Variants in ERGIC1 observed in about 807,000 individuals in gnomAD.
ERGIC1 encodes endoplasmic reticulum-Golgi intermediate compartment protein 1.
In ERGIC1, 19 loss-of-function variants were observed where a neutral mutation model predicts 38.3. That is an observed-to-expected ratio of 0.50 (90% CI 0.35 to 0.73). The LOEUF is 0.73. Ranked by LOEUF, ERGIC1 falls within the 30% of genes least tolerant of loss-of-function variation. ERGIC1 has a pLI of 0.01. For missense variants in ERGIC1, 294 were observed against 389.2 expected (o/e 0.76, Z 2.06); for synonymous variants, 124 against 157.6 (o/e 0.79, Z 1.60).
At chr5:172,861,966 TTTTA>T (rs1025179100) in intron 1 of ERGIC1, among the ~76,000 whole-genome samples, 5 of 152,012 alleles carry the variant, frequency 3.3e-5, no homozygotes, top group African/African-American at 1.2e-4. Context: ...TGCCAAGAAC[TTTTA>T]TTTATTTATT....
chr5:172,851,662 T>C (rs1192465297), intron 1 of ERGIC1, among the ~76,000 whole-genome samples: 1 of 151,302 alleles, frequency 6.6e-6, no homozygotes, highest in Non-Finnish European at 1.5e-5. Context: ...GACAGGGAGG[T>C]GGGGGGGTAT....
chr5:172,899,349 G>A (rs547034077), intron 3 of ERGIC1, among the ~76,000 whole-genome samples: 1 of 128,332 alleles, frequency 7.8e-6, no homozygotes, highest in Non-Finnish European at 1.5e-5. Context: ...ACGGAGTCTC[G>A]CTCTGTCGTC....
chr5:172,924,505 G>T (rs749735035), intron 6 of ERGIC1, among the ~76,000 whole-genome samples: 5 of 152,176 alleles, frequency 3.3e-5, no homozygotes, highest in Non-Finnish European at 7.4e-5. Flanking sequence ...GGTGTGTGGG[G>T]TGCGAGAGAC....
chr5:172,924,360 G>A (rs1763602666), intron 6 of ERGIC1, among the ~76,000 whole-genome samples: 1 of 152,204 alleles, frequency 6.6e-6, no homozygotes, highest in African/African-American at 2.4e-5. Context: ...GACCCTCAAG[G>A]TTACTTTCAG....
rs982664470 is a variant in ERGIC1 at position 172,951,838 on chromosome 5, G to A, written c.*1022G>A. 1 of 152,354 alleles carries A rather than the reference G, an allele frequency of 6.6e-6. No individual in the cohort carries two copies. The highest frequency in any genetic ancestry group is 1.5e-5 in the Non-Finnish European group (1 of 68,124). The allele number at this position is 152,354 out of a possible 1,614,324, so 9.4% of individuals were successfully genotyped here. Reference sequence around the variant, plus strand: ...GGCCTTAGGTGGAGGAAGCAAAGCAGGCCAGGCCTGTCCTGTCCGTGGACC... The same window carrying A: ...GGCCTTAGGTGGAGGAAGCAAAGCAAGCCAGGCCTGTCCTGTCCGTGGACC... On this transcript the variant is annotated 3_prime_UTR_variant, in exon 10 of 10. Transcript: ENST00000393784.
intron 9 of ERGIC1, among the ~76,000 whole-genome samples, chr5:172,944,405 C>G (rs1764073994): frequency 6.6e-6 from 1 of 151,902 alleles, no homozygotes; most frequent in African/African-American, 2.4e-5. Flanking sequence ...GTTGCCCAGG[C>G]TGGTGTGCAG....
intron 1 of ERGIC1, among the ~76,000 whole-genome samples, chr5:172,851,368 G>A (rs1360100471): frequency 9.9e-5 from 15 of 151,984 alleles, no homozygotes; most frequent in Admixed American, 9.8e-4. Flanking sequence ...AATTAGCCGG[G>A]CATGGTGGCA....
intron 1 of ERGIC1, among the ~76,000 whole-genome samples, chr5:172,882,106 G>T (rs1381522425): frequency 6.6e-6 from 1 of 152,136 alleles, no homozygotes; most frequent in Non-Finnish European, 1.5e-5. Context: ...CTGAAACTAG[G>T]GTCTTTTTGA....
intron 1 of ERGIC1, among the ~76,000 whole-genome samples, chr5:172,850,537 T>A (rs1183818297): frequency 6.6e-6 from 1 of 152,012 alleles, no homozygotes; most frequent in Non-Finnish European, 1.5e-5. Flanking sequence ...GCCTAGGGCT[T>A]TGGAGTCTGG....
At chr5:172,888,214 CTT>C (rs35786795) in intron 1 of ERGIC1, among the ~76,000 whole-genome samples, 1 of 152,184 alleles carries the variant, frequency 6.6e-6, no homozygotes, top group East Asian at 1.9e-4. Context: ...AATCCCAGCA[CTT>C]TGGGAGGCCA....
intron 1 of ERGIC1, among the ~76,000 whole-genome samples, chr5:172,841,998 T>A (rs537062152): frequency 6.6e-6 from 1 of 152,328 alleles, no homozygotes; most frequent in South Asian, 2.1e-4. Flanking sequence ...CACTTTATAG[T>A]CATACTATTA....
intron 2 of ERGIC1, among the ~76,000 whole-genome samples, chr5:172,893,469 T>G (rs189192172): frequency 2.6e-5 from 4 of 152,188 alleles, no homozygotes; most frequent in Middle Eastern, 3.4e-3. Context: ...TTTGTGCCTG[T>G]TCATCATTAC....
chr5:172,944,783 C>T (rs190653203), intron 9 of ERGIC1, among the ~76,000 whole-genome samples: 1 of 152,340 alleles, frequency 6.6e-6, no homozygotes, highest in African/African-American at 2.4e-5. Context: ...TCTATGGCAT[C>T]GCTTTCCAGG....
intron 3 of ERGIC1, among the ~76,000 whole-genome samples, chr5:172,908,328 A>AGGGGGGGGGGGGGGGGGG (rs1561729713): frequency 4.2e-3 from 1 of 236 alleles, no homozygotes. Context: ...GAGAGAGGGG[A>AGGGGGGGGGGGGGGGGGG]GGGGGGGAGG....
intron 1 of ERGIC1, among the ~76,000 whole-genome samples, chr5:172,848,720 G>A (rs1162047893): frequency 6.6e-6 from 1 of 152,232 alleles, no homozygotes; most frequent in Admixed American, 6.5e-5. Flanking sequence ...GAAGGAAGTA[G>A]AGAGACAGGG....
intron 1 of ERGIC1, among the ~76,000 whole-genome samples, chr5:172,871,604 G>A (rs986553882): frequency 6.6e-6 from 1 of 152,220 alleles, no homozygotes; most frequent in Non-Finnish European, 1.5e-5. Context: ...TCTGACCTCC[G>A]ATGTGCTCCC....
chr5:172,866,989 GGATGCAGATGGAGAT>G (rs763509544), intron 1 of ERGIC1: 107 of 351,054 alleles, frequency 3.0e-4, no homozygotes, highest in South Asian at 2.0e-3. Context: ...AAATGAAAGG[GGATGCAGATGGAGAT>G]GATGCAGATG....
chr5:172,877,633 T>A (rs1762180063), intron 1 of ERGIC1, among the ~76,000 whole-genome samples: 1 of 151,826 alleles, frequency 6.6e-6, no homozygotes, highest in East Asian at 1.9e-4. Flanking sequence ...GGCCTTTTCC[T>A]CTTACTGTAT....
chr5:172,901,646 C>T (rs1038154068), intron 3 of ERGIC1, among the ~76,000 whole-genome samples: 21 of 151,978 alleles, frequency 1.4e-4, no homozygotes, highest in African/African-American at 4.8e-4. Flanking sequence ...TTCTGTTGCC[C>T]GGGCTGGAGG....
Sources: gnomAD v4.1 joint callset for allele counts (sites outside exome capture counted in the v4.1 genomes callset) on GRCh38, gnomAD v4.1.1 for gene constraint, MANE v1.5 for transcripts, NCBI Gene and HGNC (gene_info 2026-07-23, HGNC 2026-07-21) for gene names.